Variants in CEP44 observed in about 807,000 individuals in gnomAD.
CEP44 encodes centrosomal protein of 44 kDa.
CEP44 carries 45 observed loss-of-function variants against 46.7 expected under a neutral mutation model. The ratio of observed to expected loss-of-function variants is 0.96; its 90% CI spans 0.76 to 1.24. CEP44 has a LOEUF of 1.24. Ranked by LOEUF, CEP44 falls within the 50% of genes most tolerant of loss-of-function variation. The pLI, the probability that CEP44 is intolerant of heterozygous loss-of-function variation, is 0.00. For synonymous variants in CEP44, 142 were observed against 146.0 expected, an observed-to-expected ratio of 0.97 and a Z score of 0.20; for missense variants, 475 against 459.7, an observed-to-expected ratio of 1.03 and a Z score of -0.30.
chr4:174,320,706 G>GTGTGTGTGTGTGTGTGTATGTGTGTC (rs1742255254), downstream of CEP44, among the ~76,000 whole-genome samples: 3 of 150,370 alleles, frequency 2.0e-5, no homozygotes, highest in African/African-American at 4.9e-5. Context: ...GTGTGTGTAT[G>GTGTGTGTGTGTGTGTGTATGTGTGTC]TGTGTGTGTG....
chr4:174,330,204 A>G (rs1731243367), intron 8 of CEP44, among the ~76,000 whole-genome samples: 1 of 152,096 alleles, frequency 6.6e-6, no homozygotes, highest in African/African-American at 2.4e-5. Context: ...AAAAATGAAG[A>G]TTGGCTGGGT....
At chr4:174,291,468 TTTCTATTAACAAATTTCTGTGG>T (rs1389648913) in intron 1 of CEP44, among the ~76,000 whole-genome samples, 1 of 152,150 alleles carries the variant, frequency 6.6e-6, no homozygotes, top group Non-Finnish European at 1.5e-5. Context: ...TTCTATATTG[TTTCTATTAACAAATTTCTGTGG>T]TTGTTGTAGT....
intron 4 of CEP44, 80 bp downstream of exon 4, chr4:174,302,266 A>G (rs1739816521): frequency 7.0e-6 from 6 of 856,794 alleles, no homozygotes; most frequent in Non-Finnish European, 1.1e-5. Flanking sequence ...AACTTCTTAA[A>G]TATATGCAGC....
chr4:174,294,367 C>A (rs1738598873), intron 1 of CEP44, among the ~76,000 whole-genome samples: 1 of 152,054 alleles, frequency 6.6e-6, no homozygotes, highest in African/African-American at 2.4e-5. Flanking sequence ...GGGGTAGGGT[C>A]ACCGATCAAC....
chr4:174,300,950 A>AT (rs927910875), intron 3 of CEP44, among the ~76,000 whole-genome samples: 26 of 149,598 alleles, frequency 1.7e-4, no homozygotes, highest in Middle Eastern at 3.4e-3. Flanking sequence ...GTTCAAAGGT[A>AT]TTTTTTTTTT....
chr4:174,306,654 A>G (rs1374948362), intron 6 of CEP44, among the ~76,000 whole-genome samples: 2 of 152,026 alleles, frequency 1.3e-5, no homozygotes, highest in African/African-American at 2.4e-5. Flanking sequence ...ACTTTTTTTA[A>G]TTTTTAAAGA....
Position 174,288,514 on chromosome 4 carries a change from G to C in CEP44, c.-148+4571G>C, listed in dbSNP as rs571986882. ...CTATTTTAGATTTCACATACATTGA[G>C]ATAATACAGTATTTGTCTTTTTGTG... On this transcript the variant is annotated intron_variant, in intron 1 of 11. Coordinates refer to ENST00000503780, the MANE Select transcript of CEP44 (RefSeq NM_001040157.3). The surrounding 1 kb of genome is among the most constrained non-coding windows in gnomAD (Gnocchi z 4.6). Among the ~76,000 whole-genome samples the C allele has an allele frequency of 1.5e-3, 224 of 152,184 alleles. No individual in the cohort carries two copies. The highest frequency in any genetic ancestry group is 5.0e-3 in the African/African-American group (208 of 41,518).
In CEP44 at chr4:174,320,037, GA is replaced by G; in HGVS notation, c.*2660del. ...CTTTTCATTCTCTCATAAACTGGTT[GA>G]AAAAACACTGTACTACCAACAAAGG... On this transcript the variant is annotated 3_prime_UTR_variant, in exon 12 of 12. Coordinates refer to ENST00000503780, the MANE Select transcript of CEP44 (RefSeq NM_001040157.3). 1 of 984,954 alleles carries G rather than the reference GA, an allele frequency of 1.0e-6. No individual in the cohort carries two copies. Among genetic ancestry groups the G allele is most frequent in the Non-Finnish European group, 1.2e-6 (1 of 829,776 alleles). The allele number at this position is 984,954 out of a possible 1,614,324, so 61.0% of individuals were successfully genotyped here.
intron 1 of CEP44, among the ~76,000 whole-genome samples, chr4:174,285,884 C>T (rs1448984857): frequency 1.3e-5 from 2 of 152,162 alleles, no homozygotes; most frequent in East Asian, 1.9e-4. Context: ...TTTAGGCTTC[C>T]GTGTGTCCAT....
At chr4:174,294,371 G>C (rs971659062) in intron 1 of CEP44, among the ~76,000 whole-genome samples, 1 of 152,020 alleles carries the variant, frequency 6.6e-6, no homozygotes. Context: ...TAGGGTCACC[G>C]ATCAACAGGA....
rs1560912107 is a variant in CEP44 at position 174,312,929 on chromosome 4, T to C, written c.961+2071T>C. On this transcript the variant is annotated intron_variant, in intron 9 of 11. Coordinates refer to ENST00000503780, the MANE Select transcript of CEP44 (RefSeq NM_001040157.3). This position sits in a 1 kb window ranked among gnomAD's most constrained non-coding sequence, Gnocchi z 4.5. ...CAGGAATACAGTGTTCCATGGGGAA[T>C]TGTAAGGCACCTTAATGTCTTGGTA... 1.3e-5 allele frequency among the ~76,000 whole-genome samples: 2 copies of C among 152,240 alleles called. No homozygotes were observed. Among genetic ancestry groups the C allele is most frequent in the East Asian group, 3.9e-4 (2 of 5,170 alleles).
intron 1 of CEP44, chr4:174,284,239 G>T (rs1737297137): frequency 2.5e-6 from 1 of 397,066 alleles, no homozygotes; most frequent in Non-Finnish European, 4.4e-6. Context: ...CGAATGACCA[G>T]ATCCGCCTTT....
intron 1 of CEP44, among the ~76,000 whole-genome samples, chr4:174,296,050 T>C (rs1337637285): frequency 6.6e-6 from 1 of 152,230 alleles, no homozygotes; most frequent in African/African-American, 2.4e-5. Context: ...CTGGGTGTGG[T>C]ATTTGATACC....
At position 174,310,532 on chromosome 4, in the gene CEP44, T is replaced by C. The variant is rs548235349; in HGVS notation, c.886-251T>C. 1.1e-4 allele frequency among the ~76,000 whole-genome samples: 17 copies of C among 152,050 alleles called. 1 individual carries two copies. In the South Asian group the frequency reaches 3.5e-3, roughly 32 times the overall value. ...CAAATCTGAGAAATTTGTTTTTTTT[T>C]ACTCAGGATTTCAATTTCTGGTCTG... On this transcript the variant is annotated intron_variant, in intron 8 of 11. Transcript: ENST00000503780. The surrounding 1 kb of genome is among the most constrained non-coding windows in gnomAD (Gnocchi z 4.2).
Position 174,310,555 on chromosome 4 carries a change from CTG to C in CEP44, c.886-226_886-225del, listed in dbSNP as rs911859442. ...TTTACTCAGGATTTCAATTTCTGGTCTGTCTTTCCTTCCTAGAAGGTGAAGTC... is the reference window on the plus strand; with the variant it reads ...TTTACTCAGGATTTCAATTTCTGGTCTCTTTCCTTCCTAGAAGGTGAAGTC... On this transcript the variant is annotated intron_variant, in intron 8 of 11. Transcript: ENST00000503780. The surrounding 1 kb of genome is among the most constrained non-coding windows in gnomAD (Gnocchi z 4.2). Among the ~76,000 whole-genome samples, 10 of 151,960 alleles carry C rather than the reference CTG, an allele frequency of 6.6e-5. No homozygotes were observed. Among genetic ancestry groups the C allele is most frequent in the African/African-American group, 1.9e-4 (8 of 41,508 alleles).
At chr4:174,284,121 T>G in intron 1 of CEP44, 178 bp downstream of exon 1, 1 of 399,094 alleles carries the variant, frequency 2.5e-6, no homozygotes, top group Non-Finnish European at 4.4e-6. Flanking sequence ...GAAACCGGCT[T>G]CTTTGCTGGT....
At chr4:174,300,383 A>T (rs998448065) in intron 3 of CEP44, among the ~76,000 whole-genome samples, 1 of 152,156 alleles carries the variant, frequency 6.6e-6, no homozygotes, top group Non-Finnish European at 1.5e-5. Context: ...TCCTCAAAAC[A>T]TGAAAATCCT....
At chr4:174,294,524 T>C (rs1738623749) in intron 1 of CEP44, among the ~76,000 whole-genome samples, 2 of 151,426 alleles carry the variant, frequency 1.3e-5, no homozygotes, top group East Asian at 2.0e-4. Context: ...AAAACCGCCA[T>C]TGTCATCATG....
At chr4:174,291,239 T>C (rs1738161163) in intron 1 of CEP44, among the ~76,000 whole-genome samples, 1 of 152,114 alleles carries the variant, frequency 6.6e-6, no homozygotes, top group African/African-American at 2.4e-5. Flanking sequence ...GTTTGTTGTC[T>C]TTGTGATTTG....
Sources: gnomAD v4.1 joint callset for allele counts (sites outside exome capture counted in the v4.1 genomes callset) on GRCh38, gnomAD v4.1.1 for gene constraint, Gnocchi (gnomAD v3.1) non-coding constraint, MANE v1.5 for transcripts, NCBI Gene and HGNC (gene_info 2026-07-23, HGNC 2026-07-21) for gene names.